The following LINGO2 variants were observed in gnomAD, a reference collection of about 807,000 sequenced individuals.
The protein encoded by LINGO2 is leucine rich repeat and Ig domain containing 2, also known as leucine-rich repeat and immunoglobulin-like domain-containing nogo receptor-interacting protein 2.
In LINGO2, 14 loss-of-function variants were observed where a neutral mutation model predicts 30.6. The observed-to-expected ratio is 0.46, with a 90% confidence interval of 0.30 to 0.72. LINGO2 has a LOEUF of 0.72. Among genes scored for constraint, LINGO2 ranks in the 30% least tolerant of loss-of-function variants. LINGO2 has a pLI of 0.07. For missense variants in LINGO2, 729 were observed against 751.7 expected, an observed-to-expected ratio of 0.97 and a Z score of 0.35; for synonymous variants, 317 against 288.5, an observed-to-expected ratio of 1.10 and a Z score of -1.00.
At chr9:28,763,271 G>T in the LINGO2 span, among the ~76,000 whole-genome samples, 1 of 151,968 alleles carries the variant, frequency 6.6e-6, no homozygotes, top group African/African-American at 2.4e-5. Flanking sequence ...ATGTTCTCCA[G>T]AATAGATCAC....
chr9:28,005,699 G>C (rs964524977), intron 5 of LINGO2, among the ~76,000 whole-genome samples: 3 of 152,102 alleles, frequency 2.0e-5, no homozygotes, highest in Admixed American at 1.3e-4. Context: ...GATGAGGGAA[G>C]TAAAAATGGC....
rs1295926267 is a variant in LINGO2 at position 28,189,269 on chromosome 9, G to GAGGAAGGA, written c.-87+105938_-87+105939insTCCTTCCT. Among the ~76,000 whole-genome samples the GAGGAAGGA allele has an allele frequency of 9.1e-4, 48 of 52,960 alleles. 1 individual carries two copies. The highest frequency in any genetic ancestry group is 3.6e-3 in the African/African-American group (39 of 10,972). The allele number at this position is 52,960 out of a possible 152,430, so 34.7% of individuals were successfully genotyped here. ...GGAGGAAGGGAGGAAGGAAGGGAGG[G>GAGGAAGGA]AGGAAGGGAGGGAGGGAGGGAGGAA... On this transcript the variant is annotated intron_variant, in intron 4 of 5. Coordinates refer to ENST00000379992, the Ensembl canonical transcript of LINGO2.
chr9:28,793,816 G>C, the LINGO2 span, among the ~76,000 whole-genome samples: 7 of 152,242 alleles, frequency 4.6e-5, no homozygotes, highest in African/African-American at 1.7e-4. Flanking sequence ...TCCCAGATCT[G>C]GTAATCCAAT....
chr9:29,194,469 C>T, the LINGO2 span, among the ~76,000 whole-genome samples: 2 of 152,232 alleles, frequency 1.3e-5, no homozygotes. Flanking sequence ...CCCCGTGCAT[C>T]AACTGTAAGT....
At chr9:28,569,913 A>AT (rs1395615491) in intron 1 of LINGO2, among the ~76,000 whole-genome samples, 1 of 151,952 alleles carries the variant, frequency 6.6e-6, no homozygotes, top group Non-Finnish European at 1.5e-5. Flanking sequence ...AATATTTATA[A>AT]TTTTTATTTG....
chr9:27,950,828 T>C, intron 5 of LINGO2, 122 bp from the exon 7 acceptor site: 1 of 483,780 alleles, frequency 2.1e-6, no homozygotes, highest in Non-Finnish European at 3.4e-6. Context: ...TCAATCAGAT[T>C]TGGGCATAAA....
the LINGO2 span, among the ~76,000 whole-genome samples, chr9:28,869,495 G>A: frequency 1.8e-4 from 28 of 152,024 alleles, no homozygotes; most frequent in African/African-American, 4.3e-4. Context: ...CAGTACTTGC[G>A]AAATTCAAGA....
the LINGO2 span, among the ~76,000 whole-genome samples, chr9:28,772,277 G>T: frequency 6.6e-6 from 1 of 152,304 alleles, no homozygotes; most frequent in South Asian, 2.1e-4. Context: ...AATCCAGTCA[G>T]ACCGCGGTCT....
At chr9:28,246,799 C>T (rs979533196) in intron 4 of LINGO2, among the ~76,000 whole-genome samples, 1 of 152,142 alleles carries the variant, frequency 6.6e-6, no homozygotes, top group African/African-American at 2.4e-5. Flanking sequence ...AAGAAACTAT[C>T]GTTAGATTGA....
At chr9:28,978,036 A>G in the LINGO2 span, among the ~76,000 whole-genome samples, 1 of 152,192 alleles carries the variant, frequency 6.6e-6, no homozygotes, top group Non-Finnish European at 1.5e-5. Context: ...AAGGGATAGT[A>G]GATGGCATCA....
At chr9:28,132,957 T>C (rs1407820418) in intron 4 of LINGO2, among the ~76,000 whole-genome samples, 5 of 152,208 alleles carry the variant, frequency 3.3e-5, no homozygotes, top group Non-Finnish European at 7.3e-5. Context: ...TCCATATTCA[T>C]GAAGAAAACT....
At chr9:28,182,699 GA>G (rs1437760509) in intron 4 of LINGO2, among the ~76,000 whole-genome samples, 1 of 151,994 alleles carries the variant, frequency 6.6e-6, no homozygotes, top group African/African-American at 2.4e-5. Context: ...CAACAAACAT[GA>G]AAAAAAGCTC....
chr9:28,736,648 C>T, the LINGO2 span, among the ~76,000 whole-genome samples: 4 of 151,898 alleles, frequency 2.6e-5, no homozygotes, highest in Non-Finnish European at 5.9e-5. Flanking sequence ...AAAAATTAGC[C>T]GGGTGTGGTG....
chr9:28,742,419 T>C, the LINGO2 span, among the ~76,000 whole-genome samples: 2 of 151,902 alleles, frequency 1.3e-5, no homozygotes. Context: ...TGTTCTGCCA[T>C]CTTAGTTATG....
the LINGO2 span, among the ~76,000 whole-genome samples, chr9:28,950,546 G>C: frequency 6.6e-6 from 1 of 150,594 alleles, no homozygotes; most frequent in Admixed American, 6.6e-5. Flanking sequence ...TTTCAGCAAA[G>C]TCTCAGGATA....
chr9:28,909,644 G>T, the LINGO2 span, among the ~76,000 whole-genome samples: 1 of 152,114 alleles, frequency 6.6e-6, no homozygotes, highest in Admixed American at 6.6e-5. Context: ...TATTGCATCT[G>T]CTGAATTCAG....
At chr9:27,954,225 G>A (rs917189505) in intron 5 of LINGO2, among the ~76,000 whole-genome samples, 7 of 152,090 alleles carry the variant, frequency 4.6e-5, no homozygotes, top group African/African-American at 1.2e-4. Flanking sequence ...TCTTCCAGCC[G>A]TTTTGAAATA....
chr9:28,677,190 TTAAACCAAGG>T, the LINGO2 span, among the ~76,000 whole-genome samples: 9 of 152,272 alleles, frequency 5.9e-5, no homozygotes, highest in African/African-American at 2.2e-4. Context: ...GAGCTAACAT[TTAAACCAAGG>T]TGGTTTGACT....
chr9:29,116,544 T>C, the LINGO2 span, among the ~76,000 whole-genome samples: 1 of 152,124 alleles, frequency 6.6e-6, no homozygotes, highest in African/African-American at 2.4e-5. Flanking sequence ...AGACTCATCT[T>C]TACTTTAAAA....
Sources: gnomAD v4.1 joint callset for allele counts (sites outside exome capture counted in the v4.1 genomes callset) on GRCh38, gnomAD v4.1.1 for gene constraint, MANE v1.5 for transcripts, NCBI Gene and HGNC (gene_info 2026-07-23, HGNC 2026-07-21) for gene names.